IL23R: variants seen among roughly 807,000 people sequenced by gnomAD.
IL23R encodes interleukin-23 receptor.
Under a neutral mutation model 56.9 loss-of-function variants are expected in IL23R, and 34 were observed. The ratio of observed to expected loss-of-function variants is 0.60; its 90% CI spans 0.45 to 0.80. The LOEUF (loss-of-function observed/expected upper bound fraction) is 0.80, where lower values mean the gene tolerates loss of function less well. Among genes scored for constraint, IL23R ranks in the 30% least tolerant of loss-of-function variants. The probability of loss-of-function intolerance (pLI) is 0.00; values close to 1 mark genes in which losing one functional copy is unlikely to be tolerated. For missense variants in IL23R, 635 were observed against 730.0 expected (o/e 0.87, Z 1.50); for synonymous variants, 230 against 249.2 (o/e 0.92, Z 0.73).
At chr1:67,146,595 CCTGGCCCA>C (rs1558214804) in intron 1 of IL23R, among the ~76,000 whole-genome samples, 1 of 152,204 alleles carries the variant, frequency 6.6e-6, no homozygotes, top group African/African-American at 2.4e-5. Flanking sequence ...CTCCTTTTAT[CCTGGCCCA>C]TTATCTTTTA....
At chr1:67,170,033 CTTGT>C (rs1646922584) in intron 3 of IL23R, among the ~76,000 whole-genome samples, 1 of 152,184 alleles carries the variant, frequency 6.6e-6, no homozygotes, top group South Asian at 2.1e-4. Context: ...TTTTAATCTT[CTTGT>C]TTATTTTTCT....
intron 4 of IL23R, among the ~76,000 whole-genome samples, chr1:67,183,908 C>G (rs1647201428): frequency 6.6e-6 from 1 of 152,142 alleles, no homozygotes; most frequent in Non-Finnish European, 1.5e-5. Context: ...CTTACCTTAT[C>G]CGTGTTTCTT....
chr1:67,144,779 A>G (rs180886927), intron 1 of IL23R, among the ~76,000 whole-genome samples: 28 of 152,054 alleles, frequency 1.8e-4, no homozygotes, highest in Admixed American at 1.8e-3. Context: ...CCCACAACCT[A>G]TTCTCTTTCC....
chr1:67,181,654 A>G (rs958355104), intron 3 of IL23R, among the ~76,000 whole-genome samples: 1 of 152,192 alleles, frequency 6.6e-6, no homozygotes, highest in African/African-American at 2.4e-5. Context: ...TTCTCCATCC[A>G]GCTTTGTTCC....
intron 6 of IL23R, among the ~76,000 whole-genome samples, chr1:67,210,945 G>A (rs1338622258): frequency 6.6e-6 from 1 of 152,120 alleles, no homozygotes; most frequent in Non-Finnish European, 1.5e-5. Flanking sequence ...CTGAGTATCG[G>A]TTTTGCTATA....
intron 8 of IL23R, among the ~76,000 whole-genome samples, chr1:67,237,683 C>T (rs111965133): frequency 2.0e-5 from 3 of 152,132 alleles, no homozygotes; most frequent in South Asian, 2.1e-4. Flanking sequence ...ACGTTTTAGG[C>T]GTAAAAAAAT....
At chr1:67,202,431 T>C (rs1648706464) in intron 5 of IL23R, among the ~76,000 whole-genome samples, 1 of 152,166 alleles carries the variant, frequency 6.6e-6, no homozygotes, top group South Asian at 2.1e-4. Context: ...AGAGATGGGA[T>C]TTTGCTATGT....
chr1:67,223,653 C>G (rs1650438655), intron 7 of IL23R, among the ~76,000 whole-genome samples: 1 of 151,922 alleles, frequency 6.6e-6, no homozygotes, highest in Admixed American at 6.6e-5. Flanking sequence ...CTAGTTTTTC[C>G]TATGCATTTT....
chr1:67,237,198 AC>A (rs1439743642), intron 8 of IL23R, among the ~76,000 whole-genome samples: 1 of 152,132 alleles, frequency 6.6e-6, no homozygotes, highest in African/African-American at 2.4e-5. Flanking sequence ...ATCCGCCATC[AC>A]GCCCAGCTAA....
chr1:67,173,824 T>G (rs1646975719), intron 3 of IL23R, among the ~76,000 whole-genome samples: 1 of 152,100 alleles, frequency 6.6e-6, no homozygotes, highest in Admixed American at 6.6e-5. Flanking sequence ...CCATAATCCC[T>G]CTTTAATAAT....
downstream of IL23R, among the ~76,000 whole-genome samples, chr1:67,260,847 T>G (rs1028067904): frequency 4.6e-5 from 7 of 152,128 alleles, no homozygotes; most frequent in African/African-American, 1.7e-4. Context: ...CAGTGCGCTA[T>G]GATCAATGAT....
At chr1:67,214,359 A>C (rs939005506) in intron 6 of IL23R, among the ~76,000 whole-genome samples, 43 of 152,236 alleles carry the variant, frequency 2.8e-4, no homozygotes, top group Non-Finnish European at 5.3e-4. Context: ...CTGATGGTAT[A>C]AGTTCAAAAA....
chr1:67,183,043 C>A, intron 4 of IL23R, 84 bp downstream of exon 4: 2 of 1,455,480 alleles, frequency 1.4e-6, no homozygotes, highest in South Asian at 1.2e-5. Flanking sequence ...TCCAAGAAAT[C>A]AGCCTCAAAC....
chr1:67,211,689 G>T (rs1041804515), intron 6 of IL23R, among the ~76,000 whole-genome samples: 3 of 151,686 alleles, frequency 2.0e-5, no homozygotes, highest in African/African-American at 7.3e-5. Context: ...TAATAGACTA[G>T]AAAAAGTGTT....
rs138042502 is a variant in IL23R, at chr1:67,228,082, T to TTTTC, written c.955+8374_955+8377dup. Among the ~76,000 whole-genome samples the TTTTC allele has an allele frequency of 3.5e-4, 30 of 85,478 alleles. 5 individuals are homozygous for TTTTC. Among genetic ancestry groups the TTTTC allele is most frequent in the African/African-American group, 4.4e-4 (9 of 20,516 alleles). 56.1% of individuals were successfully genotyped at this position (85,478 alleles called of 152,430 possible). On this transcript the variant is annotated intron_variant, in intron 7 of 10. Transcript: ENST00000347310. ...CTTTCTCTGTCTCTCTCTTTCTTTC[T>TTTTC]TTTCTTTCTTTCTTTCTTTCTTTCT...
At chr1:67,234,054 G>A (rs1651294624) in intron 7 of IL23R, among the ~76,000 whole-genome samples, 1 of 151,710 alleles carries the variant, frequency 6.6e-6, no homozygotes, top group African/African-American at 2.4e-5. Flanking sequence ...GGATTAAAAG[G>A]ATGGGATTAG....
intron 4 of IL23R, among the ~76,000 whole-genome samples, chr1:67,183,942 T>C (rs1232422355): frequency 6.6e-6 from 1 of 152,134 alleles, no homozygotes; most frequent in African/African-American, 2.4e-5. Context: ...TATTAAAAAA[T>C]AAAATTCCAG....
At chr1:67,229,663 C>G (rs1305287009) in intron 7 of IL23R, among the ~76,000 whole-genome samples, 1 of 152,210 alleles carries the variant, frequency 6.6e-6, no homozygotes, top group Non-Finnish European at 1.5e-5. Context: ...CACTAGTCAG[C>G]TCGTTAGCAT....
intron 6 of IL23R, among the ~76,000 whole-genome samples, chr1:67,217,113 G>A (rs1451297521): frequency 6.6e-6 from 1 of 152,100 alleles, no homozygotes; most frequent in Non-Finnish European, 1.5e-5. Flanking sequence ...CTCCACCCAA[G>A]GATGTTCCCA....
Sources: allele counts gnomAD v4.1 joint callset (sites outside exome capture counted in the v4.1 genomes callset), GRCh38; gene constraint gnomAD v4.1.1; transcripts MANE v1.5; gene names NCBI Gene and HGNC (gene_info 2026-07-23, HGNC 2026-07-21).